Variants in CNTLN observed in about 807,000 individuals in gnomAD.
CNTLN encodes the protein centlein, also known as centlein, centrosomal protein.
Under a neutral mutation model 180.0 loss-of-function variants are expected in CNTLN, and 212 were observed. That is an observed-to-expected ratio of 1.18 (90% CI 1.05 to 1.32). The LOEUF is 1.32. CNTLN is among the 40% of genes most tolerant of loss of function. The pLI is 0.00. For synonymous variants in CNTLN, 722 were observed against 563.1 expected (o/e 1.28, Z -3.99); for missense variants, 2,095 against 1,610.9 (o/e 1.30, Z -5.14).
intron 2 of CNTLN, among the ~76,000 whole-genome samples, chr9:17,176,085 CTTTTA>C (rs1044608736): frequency 7.3e-5 from 11 of 151,228 alleles, no homozygotes; most frequent in African/African-American, 2.2e-4. Context: ...ATATGTGTGC[CTTTTA>C]TTTTATTTTA....
In CNTLN at chr9:17,394,606, T is replaced by G; in HGVS notation, c.2152T>G (p.Leu718Val). The G allele has an allele frequency of 6.3e-7, 1 of 1,596,318 alleles. No individual in the cohort carries two copies. The highest frequency in any genetic ancestry group is 8.5e-7 in the Non-Finnish European group (1 of 1,175,578). ...AAAATTAAAAGAAGGGAATAAAAAA[T>G]TAATGAAAGAAAATGATTTTCTGAA... Reference protein sequence around the residue: ...SRKLKEGNKKLMKENDFLKSL... With the variant: ...SRKLKEGNKKVMKENDFLKSL... Residue 718 changes from leucine to valine, a missense_variant, in exon 15 of 26, where the codon TTA (leucine) becomes GTA (valine). By Grantham distance (32) the Leu-to-Val change is conservative (BLOSUM62 1). Transcript: ENST00000380647.
At chr9:17,353,098 C>G (rs10114688) in intron 12 of CNTLN, among the ~76,000 whole-genome samples, 32 of 151,254 alleles carry the variant, frequency 2.1e-4, no homozygotes, top group African/African-American at 7.3e-4. Context: ...CACTGGGCCA[C>G]ATGCTAATCT....
chr9:17,344,313 C>T (rs991032297), intron 12 of CNTLN, among the ~76,000 whole-genome samples: 5 of 152,032 alleles, frequency 3.3e-5, no homozygotes, highest in African/African-American at 1.2e-4. Context: ...GAATTTTTCC[C>T]TGAAATATGT....
chr9:17,265,524 C>A (rs944473657), intron 5 of CNTLN, among the ~76,000 whole-genome samples: 2 of 152,034 alleles, frequency 1.3e-5, no homozygotes, highest in Non-Finnish European at 2.9e-5. Flanking sequence ...GTGTCTCTGC[C>A]AGGCTTTGGT....
At chr9:17,294,599 C>T (rs938835782) in intron 6 of CNTLN, among the ~76,000 whole-genome samples, 16 of 150,058 alleles carry the variant, frequency 1.1e-4, no homozygotes, top group Non-Finnish European at 1.9e-4. Context: ...CCACTAGACT[C>T]AGGAGCCCAG....
chr9:17,176,467 T>C (rs1026293994), intron 2 of CNTLN, among the ~76,000 whole-genome samples: 22 of 152,206 alleles, frequency 1.4e-4, no homozygotes, highest in African/African-American at 5.3e-4. Context: ...AGTACAATTA[T>C]ACATTGCTAA....
intron 18 of CNTLN, among the ~76,000 whole-genome samples, chr9:17,446,698 G>A (rs1830444700): frequency 6.6e-6 from 1 of 152,122 alleles, no homozygotes; most frequent in Non-Finnish European, 1.5e-5. Flanking sequence ...TGAAGCTTAT[G>A]TAGGAATTAA....
intron 7 of CNTLN, chr9:17,299,254 A>C (rs1207477248): frequency 5.1e-5 from 9 of 176,074 alleles, no homozygotes; most frequent in East Asian, 1.9e-4. Flanking sequence ...AAAAAAAAAA[A>C]AAAAAAAAAA....
At chr9:17,147,485 A>G (rs1586910621) in intron 2 of CNTLN, among the ~76,000 whole-genome samples, 1 of 152,142 alleles carries the variant, frequency 6.6e-6, no homozygotes. Context: ...GGCCTCTTCT[A>G]TGAAAAGCAG....
intron 3 of CNTLN, among the ~76,000 whole-genome samples, chr9:17,232,362 G>A (rs1328292874): frequency 6.6e-6 from 1 of 151,816 alleles, no homozygotes; most frequent in African/African-American, 2.4e-5. Flanking sequence ...TTAATTTACA[G>A]ATTGAGTCTG....
At chr9:17,373,817 C>G (rs1824528518) in intron 13 of CNTLN, among the ~76,000 whole-genome samples, 1 of 152,010 alleles carries the variant, frequency 6.6e-6, no homozygotes, top group South Asian at 2.1e-4. Context: ...ATATTCATAC[C>G]TCCATATAAA....
chr9:17,513,551 G>T, the CNTLN span, among the ~76,000 whole-genome samples: 1 of 151,936 alleles, frequency 6.6e-6, no homozygotes, highest in Non-Finnish European at 1.5e-5. Context: ...CAAAAAACTA[G>T]CCTGGTGTGG....
At chr9:17,228,803 C>A (rs1369993722) in intron 3 of CNTLN, among the ~76,000 whole-genome samples, 1 of 152,046 alleles carries the variant, frequency 6.6e-6, no homozygotes, top group Non-Finnish European at 1.5e-5. Flanking sequence ...GATAGTAATT[C>A]TGAAAATGAC....
chr9:17,425,066 C>A, intron 18 of CNTLN, among the ~76,000 whole-genome samples: 1 of 152,046 alleles, frequency 6.6e-6, no homozygotes. Flanking sequence ...CTATATTTAG[C>A]GAAAACAGAG....
intron 18 of CNTLN, among the ~76,000 whole-genome samples, chr9:17,416,761 T>C (rs1484860278): frequency 6.6e-6 from 1 of 152,176 alleles, no homozygotes; most frequent in African/African-American, 2.4e-5. Context: ...TAACTTACAC[T>C]TTGAGATGAA....
rs147667629 is a variant in CNTLN at position 17,405,547 on chromosome 9, T to C, written c.2616-3746T>C. ...TCTTATAACAAACTCACTCCCATGA[T>C]AACATTAAATCGTTCATGAGGACTC... On this transcript the variant is annotated intron_variant, in intron 15 of 25. Coordinates refer to ENST00000380647, the MANE Select transcript of CNTLN (RefSeq NM_017738.4). Among the ~76,000 whole-genome samples, 104 of 151,764 alleles carry C rather than the reference T, an allele frequency of 6.9e-4. 4 individuals carry two copies. Among genetic ancestry groups the C allele is most frequent in the African/African-American group, 2.4e-3 (98 of 41,170 alleles).
chr9:17,400,670 A>C (rs958417150), intron 15 of CNTLN, among the ~76,000 whole-genome samples: 13 of 152,138 alleles, frequency 8.5e-5, no homozygotes, highest in African/African-American at 3.1e-4. Context: ...CACCTAAAAC[A>C]TGTTCAGTAC....
At chr9:17,451,770 G>C (rs901434742) in intron 18 of CNTLN, among the ~76,000 whole-genome samples, 18 of 152,062 alleles carry the variant, frequency 1.2e-4, no homozygotes, top group Non-Finnish European at 1.0e-4. Context: ...AGAATTTTGT[G>C]TCTTTATGTT....
At chr9:17,258,530 T>A (rs2132337856) in intron 5 of CNTLN, among the ~76,000 whole-genome samples, 1 of 151,230 alleles carries the variant, frequency 6.6e-6, no homozygotes, top group Middle Eastern at 3.4e-3. Context: ...CATTGGTAGA[T>A]TTATGGGGAT....
Sources: allele counts gnomAD v4.1 joint callset (sites outside exome capture counted in the v4.1 genomes callset), GRCh38; gene constraint gnomAD v4.1.1; transcripts MANE v1.5; gene names NCBI Gene and HGNC (gene_info 2026-07-23, HGNC 2026-07-21).